The following COQ8A variants were observed in gnomAD, a reference collection of about 807,000 sequenced individuals.
COQ8A encodes the protein atypical kinase COQ8A, mitochondrial.
In COQ8A, 51 loss-of-function variants were observed where a neutral mutation model predicts 65.0. The ratio of observed to expected loss-of-function variants is 0.78; its 90% CI spans 0.63 to 0.99. The LOEUF is 0.99. Among genes scored for constraint, COQ8A ranks in the 50% least tolerant of loss-of-function variants. COQ8A has a pLI of 0.00. For missense variants in COQ8A, 940 were observed against 875.0 expected (o/e 1.07, Z -0.94); for synonymous variants, 371 against 353.2 (o/e 1.05, Z -0.57).
intron 10 of COQ8A, 76 bp from the exon 11 acceptor site, chr1:226,984,018 G>A: frequency 6.5e-7 from 1 of 1,542,990 alleles, no homozygotes; most frequent in Non-Finnish European, 8.8e-7. Flanking sequence ...CCCTCTGCCT[G>A]GTTGGGGGGT....
At chr1:226,973,577 C>T (rs1283252969) in intron 4 of COQ8A, among the ~76,000 whole-genome samples, 1 of 152,210 alleles carries the variant, frequency 6.6e-6, no homozygotes, top group African/African-American at 2.4e-5. Context: ...TCCTGAGAAC[C>T]TGTGAGAGCA....
intron 1 of COQ8A, among the ~76,000 whole-genome samples, chr1:226,952,014 C>A (rs984715201): frequency 2.6e-5 from 4 of 152,230 alleles, no homozygotes; most frequent in Admixed American, 2.0e-4. Context: ...CTACCCAGTT[C>A]TAAACTAGGA....
In COQ8A at chr1:226,982,594, G is replaced by A. The variant is rs549468440; in HGVS notation, c.854-84G>A. 8 of 1,437,376 alleles carry A rather than the reference G, an allele frequency of 5.6e-6. No individual in the cohort carries two copies. In the South Asian group the frequency reaches 9.1e-5, roughly 16 times the overall value. The allele number at this position is 1,437,376 out of a possible 1,614,324, so 89.0% of individuals were successfully genotyped here. A position where few individuals can be genotyped will look rare whatever the true frequency, so the allele number is the denominator to read the frequency against. The stretch of plus-strand genomic sequence containing the variant: ...CTGGTGGGGAGGGTGTGGTGGCCAG[G>A]GCATCCCAGGAGTGTGCCCGCCCAG... On this transcript the variant is annotated intron_variant, in intron 6 of 14. Coordinates refer to ENST00000366777, the MANE Select transcript of COQ8A (RefSeq NM_020247.5).
intron 5 of COQ8A, among the ~76,000 whole-genome samples, chr1:226,978,574 C>A: frequency 1.0e-5 from 1 of 98,456 alleles, no homozygotes; most frequent in Non-Finnish European, 2.7e-5. Flanking sequence ...CCACACACCA[C>A]CTTACACACT....
In COQ8A at chr1:226,946,984, G is replaced by C. The variant is rs1381271329; in HGVS notation, c.-10+6585G>C. ...ACCAAGCTTTGCCTCTAGTGGGTAGGATCACTGGTGCTGAGAATTGTGATA... is the reference window on the plus strand; with the variant it reads ...ACCAAGCTTTGCCTCTAGTGGGTAGCATCACTGGTGCTGAGAATTGTGATA... On this transcript the variant is annotated intron_variant, in intron 1 of 14. Coordinates refer to ENST00000366777, the MANE Select transcript of COQ8A (RefSeq NM_020247.5). This position sits in a 1 kb window ranked among gnomAD's most constrained non-coding sequence, Gnocchi z 5.3. Among the ~76,000 whole-genome samples, 1 of 152,230 alleles carries C rather than the reference G, an allele frequency of 6.6e-6. No individual in the cohort carries two copies. Among genetic ancestry groups the C allele is most frequent in the Non-Finnish European group, 1.5e-5 (1 of 68,032 alleles).
intron 5 of COQ8A, 28 bp downstream of exon 5, chr1:226,977,551 C>G (rs539078835): frequency 6.5e-7 from 1 of 1,547,906 alleles, no homozygotes; most frequent in African/African-American, 1.4e-5. Context: ...GTGGGAGGGG[C>G]AGGGTGGGCC....
In COQ8A at chr1:226,984,182, T is replaced by C. The variant is rs1659922184; in HGVS notation, c.1345T>C (p.Ser449Pro). ...SPHVLTTELV[S>P]GFPLDQAEGL... ...ACATGTGCTGACCACAGAGCTGGTG[T>C]CTGGCTTCCCCCTGGACCAGGCCGA... The change falls in exon 11 of 15, where the codon TCT becomes CCT. Residue 449 changes from serine (S) to proline (P), a missense_variant. Coordinates refer to ENST00000366777, the MANE Select transcript of COQ8A (RefSeq NM_020247.5). 6.2e-7 allele frequency: 1 copy of C among 1,613,838 alleles called. No individual in the cohort carries two copies.
At chr1:226,955,096 C>G (rs1221936118) in intron 1 of COQ8A, among the ~76,000 whole-genome samples, 1 of 152,088 alleles carries the variant, frequency 6.6e-6, no homozygotes, top group African/African-American at 2.4e-5. Context: ...TGAACGGTTG[C>G]TGCATCACCC....
intron 2 of COQ8A, among the ~76,000 whole-genome samples, chr1:226,963,639 C>G (rs749162394): frequency 1.3e-5 from 2 of 152,016 alleles, no homozygotes; most frequent in Non-Finnish European, 2.9e-5. Context: ...GAGTCTTGCT[C>G]CATTGCTCAG....
At position 226,965,449 on chromosome 1, in the gene COQ8A, C is replaced by A. The variant is rs1344212619; in HGVS notation, c.588+39C>A. 3.1e-6 allele frequency: 5 copies of A among 1,593,032 alleles called. No homozygotes were observed. The African/African-American group carries it at 5.3e-5, about 17-fold the overall frequency. ...GCCCCTGGAGGGCCGAGGTAGCTGC[C>A]ACCCACAGCAGTGATGGCCTTGGGC... On this transcript the variant is annotated intron_variant, in intron 3 of 14. Transcript: ENST00000366777.
At chr1:226,941,404 G>C (rs1656681323) in intron 1 of COQ8A, among the ~76,000 whole-genome samples, 1 of 152,198 alleles carries the variant, frequency 6.6e-6, no homozygotes, top group Non-Finnish European at 1.5e-5. Context: ...GCTCTTGGGA[G>C]ACTCTTCTTT....
chr1:226,956,509 C>G (rs1382054106), intron 1 of COQ8A, among the ~76,000 whole-genome samples: 2 of 119,838 alleles, frequency 1.7e-5, no homozygotes, highest in Non-Finnish European at 3.5e-5. Flanking sequence ...CTGGTTCACA[C>G]TCTCCCTGGC....
At chr1:226,961,960 A>G (rs1658279605) in intron 2 of COQ8A, among the ~76,000 whole-genome samples, 1 of 152,134 alleles carries the variant, frequency 6.6e-6, no homozygotes, top group African/African-American at 2.4e-5. Context: ...GAGGGCACCA[A>G]TCCCATTGAG....
At position 226,984,172 on chromosome 1, in the gene COQ8A, A is replaced by C. The variant is rs562770213; in HGVS notation, c.1335A>C (p.Thr445=). 20 of 1,613,860 alleles carry C rather than the reference A, an allele frequency of 1.2e-5. No individual in the cohort carries two copies. In the African/African-American group the frequency reaches 2.1e-4, roughly 17 times the overall value. The change falls in exon 11 of 15, where the codon ACA becomes ACC. Residue 445 remains threonine (T), a synonymous_variant. Transcript: ENST00000366777. ...TCTGCAGCCCACATGTGCTGACCAC[A>C]GAGCTGGTGTCTGGCTTCCCCCTGG... The part of the protein sequence containing the change: ...DELCSPHVLT[T]ELVSGFPLDQ...
intron 7 of COQ8A, 51 bp downstream of exon 7, chr1:226,982,814 G>A: frequency 6.2e-7 from 1 of 1,612,902 alleles, no homozygotes; most frequent in East Asian, 2.2e-5. Context: ...CCCCCACTGG[G>A]TGGAGGGGAC....
At chr1:226,985,034 CT>C in intron 13 of COQ8A, 93 bp downstream of exon 13, 1 of 1,508,224 alleles carries the variant, frequency 6.6e-7, no homozygotes, top group Non-Finnish European at 9.1e-7. Context: ...GACTGGGTTC[CT>C]GCCCTTGTGT....
Position 226,983,636 on chromosome 1 carries a change from C to T in COQ8A, c.1162+3C>T, listed in dbSNP as rs1434581733. 2 of 1,613,816 alleles carry T rather than the reference C, an allele frequency of 1.2e-6. No homozygotes were observed. The highest frequency in any genetic ancestry group is 1.7e-5 in the Admixed American group (1 of 60,004). ...CATGAGCAACATGCTTCCAGAAGGT[C>T]TGAGGCTAGGTGGTTGGGTCAAGGG... On this transcript the variant is annotated splice_donor_region_variant and intron_variant, in intron 9 of 14. Transcript: ENST00000366777.
At position 226,987,457 on chromosome 1, in the gene COQ8A, T is replaced by C. The variant is rs1340578814; in HGVS notation, c.*720T>C. ...GTCACCAGTTCCAGCCAAAGGCTCC[T>C]CACAGGCGCTGTGAATTTTTGTACA... On this transcript the variant is annotated 3_prime_UTR_variant, in exon 15 of 15. Transcript: ENST00000366777. 6.6e-6 allele frequency: 1 copy of C among 152,362 alleles called. No individual in the cohort carries two copies. The highest frequency in any genetic ancestry group is 1.5e-5 in the Non-Finnish European group (1 of 68,134). 9.4% of individuals were successfully genotyped at this position (152,362 alleles called of 1,614,324 possible). A position where few individuals can be genotyped will look rare whatever the true frequency, so the allele number is the denominator to read the frequency against.
chr1:226,962,419 C>G (rs1447915802), intron 2 of COQ8A, among the ~76,000 whole-genome samples: 1 of 152,214 alleles, frequency 6.6e-6, no homozygotes, highest in African/African-American at 2.4e-5. Flanking sequence ...CTGGCTACAG[C>G]AGAGCACGGC....
Sources: gnomAD v4.1 joint callset for allele counts (sites outside exome capture counted in the v4.1 genomes callset) on GRCh38, gnomAD v4.1.1 for gene constraint, Gnocchi (gnomAD v3.1) non-coding constraint, MANE v1.5 for transcripts, NCBI Gene and HGNC (gene_info 2026-07-23, HGNC 2026-07-21) for gene names.